Variants in URGCP observed in about 807,000 individuals in gnomAD.
The protein encoded by URGCP is upregulator of cell proliferation.
Under a neutral mutation model 24.6 loss-of-function variants are expected in URGCP, and 13 were observed. That is an observed-to-expected ratio of 0.53 (90% CI 0.34 to 0.84). URGCP has a LOEUF of 0.84. Ranked by LOEUF, URGCP falls within the 40% of genes least tolerant of loss-of-function variation. The pLI is 0.01. For synonymous variants in URGCP, 444 were observed against 487.2 expected (o/e 0.91, Z 1.17); for missense variants, 899 against 1,194.3 (o/e 0.75, Z 3.64).
chr7:43,894,045 G>A (rs1032578976), intron 1 of URGCP, among the ~76,000 whole-genome samples: 1 of 152,090 alleles, frequency 6.6e-6, no homozygotes, highest in Non-Finnish European at 1.5e-5. Context: ...TATAACAATT[G>A]TAAATATATA....
chr7:43,919,044 G>A (rs1562591211), intron 1 of URGCP: 2 of 1,084,402 alleles, frequency 1.8e-6, no homozygotes, highest in Non-Finnish European at 2.9e-6. Context: ...GATCCATGAG[G>A]ACATTTTTAA....
upstream of URGCP, among the ~76,000 whole-genome samples, chr7:43,907,776 T>C (rs1562587771): frequency 6.6e-6 from 1 of 152,232 alleles, no homozygotes; most frequent in Non-Finnish European, 1.5e-5. Flanking sequence ...TTTGTAACTA[T>C]TTTTAAATGT....
chr7:43,900,816 T>C (rs2095889224), intron 1 of URGCP, among the ~76,000 whole-genome samples: 1 of 152,214 alleles, frequency 6.6e-6, no homozygotes, highest in African/African-American at 2.4e-5. Context: ...TGTTAAGCCA[T>C]AATTGAAGGT....
At position 43,876,714 on chromosome 7, in the gene URGCP, G is replaced by C. The variant is rs1206505481; in HGVS notation, c.2749C>G (p.Gln917Glu). 1 of 1,614,154 alleles carries C rather than the reference G, an allele frequency of 6.2e-7. No homozygotes were observed. Among genetic ancestry groups the C allele is most frequent in the Admixed American group, 1.7e-5 (1 of 60,024 alleles). The change falls in exon 6 of 6, where the codon CAA becomes GAA. Residue 917 changes from glutamine to glutamate, a missense_variant. By Grantham distance (29) the Gln-to-Glu change is conservative. Transcript: ENST00000453200. ...LENIRNGLSN[Q>E]NKNIQQLIEL... ...ATGAGCTGCTGGATGTTTTTGTTTT[G>C]GTTCGACAAGCCGTTCCTGATGTTT...
At position 43,878,127 on chromosome 7, in the gene URGCP, C is replaced by A. The variant is rs762773360; in HGVS notation, c.1336G>T (p.Val446Leu). The stretch of plus-strand genomic sequence containing the variant: ...GCGTGCGCCATGTCCTCCACAGATA[C>A]CCGCCTGCAGGGTGCCCGCAGCACA... ...GNVLRAPCRR[V>L]SVEDMAHAAR... The change falls in exon 6 of 6, where the codon GTA becomes TTA. Residue 446 changes from valine to leucine, a missense_variant. Coordinates refer to ENST00000453200, the MANE Select transcript of URGCP (RefSeq NM_001077663.3). This position sits in a 1 kb window ranked among gnomAD's most constrained non-coding sequence, Gnocchi z 5.6. The A allele has an allele frequency of 1.2e-5, 20 of 1,614,146 alleles. No homozygotes were observed. In the Admixed American group the frequency reaches 1.7e-4, roughly 13 times the overall value.
At chr7:43,925,134 C>T (rs1014477667) in intron 1 of URGCP, among the ~76,000 whole-genome samples, 4 of 152,140 alleles carry the variant, frequency 2.6e-5, no homozygotes, top group African/African-American at 4.8e-5. Context: ...TTGAAGAGTT[C>T]TGGGTAAGGA....
chr7:43,898,786 T>TAAATA (rs944699577), intron 1 of URGCP, among the ~76,000 whole-genome samples: 1 of 74,730 alleles, frequency 1.3e-5, no homozygotes, highest in African/African-American at 3.2e-5. Context: ...AATAAATAAA[T>TAAATA]AAATTTATTT....
intron 1 of URGCP, among the ~76,000 whole-genome samples, chr7:43,912,410 A>G (rs1167145767): frequency 6.6e-6 from 1 of 152,158 alleles, no homozygotes; most frequent in Non-Finnish European, 1.5e-5. Flanking sequence ...AAGGCAGGAG[A>G]ATCGCTTGAA....
At chr7:43,919,609 T>C (rs1275227451) in intron 1 of URGCP, 12 of 1,409,050 alleles carry the variant, frequency 8.5e-6, no homozygotes, top group Middle Eastern at 1.8e-4. Flanking sequence ...AAGAACGTGA[T>C]GGTATCCACA....
In URGCP at chr7:43,877,648, C is replaced by A; in HGVS notation, c.1815G>T (p.Pro605=). The change falls in exon 6 of 6, where the codon CCG becomes CCT. Residue 605 remains proline, a synonymous_variant. Transcript: ENST00000453200. ...CCACCCCTAGGGGCTCAGGCCAGAG[C>A]GGCTCCCCCACGTCTGTGGTGCCCC... ...KHGGTTDVGE[P]LWPEPLGVEH... The A allele has an allele frequency of 6.2e-7, 1 of 1,614,108 alleles. No individual in the cohort carries two copies. The highest frequency in any genetic ancestry group is 8.5e-7 in the Non-Finnish European group (1 of 1,180,028).
chr7:43,901,662 C>G (rs1449623955), intron 1 of URGCP, among the ~76,000 whole-genome samples: 2 of 152,192 alleles, frequency 1.3e-5, no homozygotes, highest in East Asian at 3.8e-4. Flanking sequence ...ACGGGGCCCC[C>G]TTTCCCCTTC....
intron 1 of URGCP, among the ~76,000 whole-genome samples, chr7:43,904,489 T>A (rs1474052501): frequency 6.6e-6 from 1 of 152,180 alleles, no homozygotes; most frequent in Non-Finnish European, 1.5e-5. Flanking sequence ...CTCCCTAAGA[T>A]ACCTAGTGCA....
At position 43,879,058 on chromosome 7, in the gene URGCP, C is replaced by T. The variant is rs1218646420; in HGVS notation, c.405G>A (p.Val135=). The T allele has an allele frequency of 1.2e-6, 2 of 1,614,204 alleles. No individual in the cohort carries two copies. The highest frequency in any genetic ancestry group is 1.7e-6 in the Non-Finnish European group (2 of 1,180,036). ...GCCTGGCGTCTGGGAGCACGTCCAG[C>T]ACCATAGTGGTATTCCTGGCATCAG... ...LNADARNTTM[V]LDVLPDARPV... The change falls in exon 6 of 6, where the codon GTG becomes GTA. Residue 135 remains valine, a synonymous_variant. Coordinates refer to ENST00000453200, the MANE Select transcript of URGCP (RefSeq NM_001077663.3).
intron 1 of URGCP, among the ~76,000 whole-genome samples, chr7:43,912,724 T>A (rs557207525): frequency 6.6e-6 from 1 of 152,362 alleles, no homozygotes; most frequent in Non-Finnish European, 1.5e-5. Flanking sequence ...TTTCCTTTTA[T>A]GTATTTATTC....
chr7:43,876,527 A>AT lies in URGCP; in HGVS notation c.*139_*140insA. On this transcript the variant is annotated 3_prime_UTR_variant, in exon 6 of 6. Coordinates refer to ENST00000453200, the MANE Select transcript of URGCP (RefSeq NM_001077663.3). ...TTTAACACTGTTGAGGAGACTCCAA[A>AT]CCCTGTCTTTTCCTCGTCTTCTCAT... is the stretch of plus-strand genomic sequence containing the variant. 1 of 732,632 alleles carries AT rather than the reference A, an allele frequency of 1.4e-6. No individual in the cohort carries two copies. Among genetic ancestry groups the AT allele is most frequent in the Middle Eastern group, 4.0e-4 (1 of 2,498 alleles). 45.4% of individuals were successfully genotyped at this position (732,632 alleles called of 1,614,324 possible).
chr7:43,908,582 T>G (rs905464543), upstream of URGCP, among the ~76,000 whole-genome samples: 2 of 152,172 alleles, frequency 1.3e-5, no homozygotes, highest in Admixed American at 6.5e-5. Context: ...GGAGAACAAC[T>G]GTTTTTCTTG....
chr7:43,886,981 C>A (rs775308416), intron 3 of URGCP, among the ~76,000 whole-genome samples: 2 of 152,122 alleles, frequency 1.3e-5, no homozygotes, highest in Admixed American at 6.5e-5. Context: ...CTGGGACAAT[C>A]CCAATTTATA....
At chr7:43,905,707 G>A (rs1004307719) in intron 1 of URGCP, 4 of 152,036 alleles carry the variant, frequency 2.6e-5, no homozygotes, top group Non-Finnish European at 2.9e-5. Flanking sequence ...AGTCAAAGAA[G>A]AATTTTAACA....
chr7:43,893,826 G>A (rs573211928), intron 1 of URGCP, among the ~76,000 whole-genome samples: 5 of 151,962 alleles, frequency 3.3e-5, no homozygotes, highest in Non-Finnish European at 5.9e-5. Flanking sequence ...AGCTGAGATC[G>A]CACCACTGCA....
Sources: gnomAD v4.1 joint callset for allele counts (sites outside exome capture counted in the v4.1 genomes callset) on GRCh38, gnomAD v4.1.1 for gene constraint, Gnocchi (gnomAD v3.1) non-coding constraint, MANE v1.5 for transcripts, NCBI Gene and HGNC (gene_info 2026-07-23, HGNC 2026-07-21) for gene names.